Variants in SNTG2 observed in about 807,000 individuals in gnomAD.
SNTG2 encodes gamma-2-syntrophin.
A neutral mutation model predicts 70.9 loss-of-function variants in SNTG2; 74 were observed. The ratio of observed to expected loss-of-function variants is 1.04; its 90% CI spans 0.86 to 1.27. SNTG2 has a LOEUF of 1.27. Ranked by LOEUF, SNTG2 falls within the 50% of genes most tolerant of loss-of-function variation. The pLI is 0.00. For missense variants in SNTG2, 717 were observed against 690.7 expected (o/e 1.04, Z -0.43); for synonymous variants, 278 against 273.8 (o/e 1.02, Z -0.15).
intron 12 of SNTG2, among the ~76,000 whole-genome samples, chr2:1,250,361 A>G (rs577101012): frequency 1.5e-4 from 22 of 151,680 alleles, no homozygotes; most frequent in Non-Finnish European, 2.2e-4. Flanking sequence ...TCCTCCCTCC[A>G]TCTCTCTCCC....
intron 9 of SNTG2, among the ~76,000 whole-genome samples, chr2:1,230,661 T>C (rs28493773): frequency 0.51 from 77,663 of 152,082 alleles, 21,520 homozygotes; most frequent in Admixed American, 0.65. Context: ...CCCAGATCCA[T>C]GGGTCCCACC....
intron 9 of SNTG2, among the ~76,000 whole-genome samples, chr2:1,209,882 AT>A (rs58063831): frequency 6.6e-6 from 1 of 151,872 alleles, no homozygotes; most frequent in Non-Finnish European, 1.5e-5. Flanking sequence ...CAGCAAAGGA[AT>A]TTTTTTTAAT....
At chr2:1,263,402 A>T (rs910636437) in intron 13 of SNTG2, among the ~76,000 whole-genome samples, 3 of 152,240 alleles carry the variant, frequency 2.0e-5, no homozygotes, top group Admixed American at 6.5e-5. Context: ...GACAAAACAT[A>T]GTAATAAGTT....
At chr2:1,361,879 C>G (rs72490794) in intron 16 of SNTG2, among the ~76,000 whole-genome samples, 40 of 25,572 alleles carry the variant, frequency 1.6e-3, no homozygotes, top group African/African-American at 5.1e-3. Flanking sequence ...AAGTCACCAA[C>G]GCTGAGCATT....
chr2:1,164,836 C>T (rs1419161051), intron 6 of SNTG2, among the ~76,000 whole-genome samples: 2 of 151,656 alleles, frequency 1.3e-5, no homozygotes, highest in Non-Finnish European at 2.9e-5. Context: ...TACCTGGCCT[C>T]GGAGGAGGAG....
intron 12 of SNTG2, among the ~76,000 whole-genome samples, chr2:1,250,603 A>T (rs1677698157): frequency 1.4e-3 from 137 of 96,578 alleles, no homozygotes; most frequent in South Asian, 2.0e-3. Flanking sequence ...TCTCTGTCTG[A>T]CTCTATTTCT....
At chr2:954,022 A>G (rs1572157833) in intron 1 of SNTG2, among the ~76,000 whole-genome samples, 1 of 152,084 alleles carries the variant, frequency 6.6e-6, no homozygotes, top group South Asian at 2.1e-4. Flanking sequence ...TATTTACTAA[A>G]TGGGTATATT....
chr2:1,237,775 C>T, intron 9 of SNTG2, 113 bp from the exon 10 acceptor site: 2 of 1,350,648 alleles, frequency 1.5e-6, no homozygotes, highest in Non-Finnish European at 2.0e-6. Context: ...GGTGCAGTTG[C>T]CCCATGTCCT....
chr2:1,154,948 A>C (rs1281414892), intron 6 of SNTG2, among the ~76,000 whole-genome samples: 2 of 74,896 alleles, frequency 2.7e-5, no homozygotes, highest in African/African-American at 4.9e-5. Context: ...CACACACATA[A>C]ACTCACACCA....
intron 6 of SNTG2, among the ~76,000 whole-genome samples, chr2:1,145,695 G>A (rs1669057068): frequency 6.6e-6 from 1 of 152,196 alleles, no homozygotes; most frequent in Non-Finnish European, 1.5e-5. Context: ...ACTTCCTAGT[G>A]CATTCCATGA....
At chr2:970,053 G>A (rs749961113) in intron 1 of SNTG2, among the ~76,000 whole-genome samples, 2 of 152,060 alleles carry the variant, frequency 1.3e-5, no homozygotes, top group South Asian at 2.1e-4. Flanking sequence ...CCTAGTTTGC[G>A]GAGGGCTTTT....
chr2:1,224,709 G>C (rs1437647666), intron 9 of SNTG2, among the ~76,000 whole-genome samples: 5 of 152,216 alleles, frequency 3.3e-5, no homozygotes, highest in Non-Finnish European at 7.3e-5. Flanking sequence ...TGGCTGAATG[G>C]TTTCCTGTTG....
intron 14 of SNTG2, among the ~76,000 whole-genome samples, chr2:1,288,122 T>G (rs1342861342): frequency 6.6e-6 from 1 of 152,234 alleles, no homozygotes; most frequent in Admixed American, 6.5e-5. Flanking sequence ...TTATACAGCT[T>G]AAGATGGTGC....
chr2:1,103,353 T>C, intron 4 of SNTG2: 1 of 280,184 alleles, frequency 3.6e-6, no homozygotes, highest in Non-Finnish European at 7.2e-6. Flanking sequence ...TCATTAACCT[T>C]TCAAATAAAT....
At chr2:1,263,815 C>T (rs1404919459) in intron 13 of SNTG2, among the ~76,000 whole-genome samples, 1 of 152,168 alleles carries the variant, frequency 6.6e-6, no homozygotes, top group Non-Finnish European at 1.5e-5. Context: ...CATTTCACAG[C>T]TCAAAAGTGG....
chr2:1,096,401 T>C (rs1572418867), intron 2 of SNTG2, among the ~76,000 whole-genome samples: 1 of 152,212 alleles, frequency 6.6e-6, no homozygotes, highest in East Asian at 1.9e-4. Flanking sequence ...TTATTAACCA[T>C]AGTCACCATG....
intron 4 of SNTG2, among the ~76,000 whole-genome samples, chr2:1,113,564 T>C (rs1666679048): frequency 6.6e-6 from 1 of 151,546 alleles, no homozygotes; most frequent in African/African-American, 2.4e-5. Context: ...TTGAGGAGGA[T>C]CGTGTGTACT....
chr2:1,064,903 G>C (rs1383890040), intron 1 of SNTG2, among the ~76,000 whole-genome samples: 2 of 152,202 alleles, frequency 1.3e-5, no homozygotes, highest in Non-Finnish European at 2.9e-5. Flanking sequence ...ACTTTATGCT[G>C]TTTGCAAGAA....
In SNTG2 at chr2:991,372, TACACACAC is replaced by T. The variant is rs61002101; in HGVS notation, c.72+40332_72+40339del. ...AGGGAGCTTATAAGTTCTGTAATATTACACACACACACACACACACACACACACACACA... is the reference window on the plus strand; with the variant it reads ...AGGGAGCTTATAAGTTCTGTAATATTACACACACACACACACACACACACA... On this transcript the variant is annotated intron_variant, in intron 1 of 16. Transcript: ENST00000308624. Among the ~76,000 whole-genome samples, 178 of 140,350 alleles carry T rather than the reference TACACACAC, an allele frequency of 1.3e-3. 1 individual carries two copies. Among genetic ancestry groups the T allele is most frequent in the African/African-American group, 3.9e-3 (147 of 37,906 alleles). The allele number at this position is 140,350 out of a possible 152,430, so 92.1% of individuals were successfully genotyped here. A position where few individuals can be genotyped will look rare whatever the true frequency, so the allele number is the denominator to read the frequency against.
Sources: allele counts gnomAD v4.1 joint callset (sites outside exome capture counted in the v4.1 genomes callset), GRCh38; gene constraint gnomAD v4.1.1; transcripts MANE v1.5; gene names NCBI Gene and HGNC (gene_info 2026-07-23, HGNC 2026-07-21).